KCNAB1: variants seen among roughly 807,000 people sequenced by gnomAD.
The protein encoded by KCNAB1 is potassium voltage-gated channel subfamily A regulatory beta subunit 1, also known as voltage-gated potassium channel subunit beta-1.
A neutral mutation model predicts 64.6 loss-of-function variants in KCNAB1; 35 were observed. The observed-to-expected ratio is 0.54, with a 90% confidence interval of 0.41 to 0.72. The LOEUF is 0.72. Ranked by LOEUF, KCNAB1 falls within the 30% of genes least tolerant of loss-of-function variation. The pLI, the probability that KCNAB1 is intolerant of heterozygous loss-of-function variation, is 0.00. For synonymous variants in KCNAB1, 177 were observed against 183.8 expected, an observed-to-expected ratio of 0.96 and a Z score of 0.30; for missense variants, 401 against 512.9, an observed-to-expected ratio of 0.78 and a Z score of 2.11.
At chr3:156,373,707 A>G (rs1726480087) in intron 1 of KCNAB1, among the ~76,000 whole-genome samples, 1 of 152,174 alleles carries the variant, frequency 6.6e-6, no homozygotes, top group Admixed American at 6.5e-5. Flanking sequence ...TCTCTCTGAG[A>G]CTCTGCATGG....
intron 1 of KCNAB1, among the ~76,000 whole-genome samples, chr3:156,121,574 T>A (rs1347924950): frequency 6.6e-6 from 1 of 152,124 alleles, no homozygotes; most frequent in East Asian, 1.9e-4. Context: ...ACGTACTGAG[T>A]AAAAAGTGTC....
intron 2 of KCNAB1, among the ~76,000 whole-genome samples, chr3:156,451,969 C>G (rs1239368436): frequency 6.6e-6 from 1 of 152,180 alleles, no homozygotes; most frequent in Non-Finnish European, 1.5e-5. Context: ...TCACCTCAGT[C>G]ATAGCATTTG....
rs138595645 is a variant in KCNAB1 at position 156,374,748 on chromosome 3, G to A, written c.276-46868G>A. On this transcript the variant is annotated intron_variant, in intron 1 of 13. Coordinates refer to ENST00000490337, the MANE Select transcript of KCNAB1 (RefSeq NM_172160.3). Reference sequence around the variant, plus strand: ...CCAGCTCTGCCACTTATGGCTGTTCGGCCTTAGTTAAACCTCGCTTTCCTT... The same window carrying A: ...CCAGCTCTGCCACTTATGGCTGTTCAGCCTTAGTTAAACCTCGCTTTCCTT... 6.0e-3 allele frequency among the ~76,000 whole-genome samples: 813 copies of A among 134,734 alleles called. 125 individuals carry two copies. In the South Asian group the frequency reaches 0.11, roughly 19 times the overall value. 88.4% of individuals were successfully genotyped at this position (134,734 alleles called of 152,430 possible). A position where few individuals can be genotyped will look rare whatever the true frequency, so the allele number is the denominator to read the frequency against.
intron 1 of KCNAB1, chr3:156,273,658 G>A (rs765344752): frequency 9.2e-5 from 42 of 455,566 alleles, no homozygotes; most frequent in African/African-American, 5.6e-4. Context: ...CTTTTTCAGC[G>A]ATATGAAGTT....
intron 1 of KCNAB1, among the ~76,000 whole-genome samples, chr3:156,121,748 A>G (rs1454421406): frequency 6.6e-6 from 1 of 152,208 alleles, no homozygotes; most frequent in Non-Finnish European, 1.5e-5. Flanking sequence ...AATGGTTCCA[A>G]TTACGTAGTC....
At chr3:156,321,187 T>G (rs1425693540) in intron 1 of KCNAB1, among the ~76,000 whole-genome samples, 1 of 152,228 alleles carries the variant, frequency 6.6e-6, no homozygotes, top group African/African-American at 2.4e-5. Flanking sequence ...TAAAATGTTC[T>G]TTAGAGCAAA....
intron 8 of KCNAB1, among the ~76,000 whole-genome samples, chr3:156,505,392 G>A (rs996039517): frequency 3.3e-5 from 5 of 152,104 alleles, no homozygotes; most frequent in Admixed American, 6.5e-5. Flanking sequence ...TGGGTCTTTT[G>A]TGGTTCCATG....
rs146312239 is a variant in KCNAB1 at position 156,131,850 on chromosome 3, T to C, written c.275+10964T>C. On this transcript the variant is annotated intron_variant, in intron 1 of 13. Transcript: ENST00000490337. The stretch of plus-strand genomic sequence containing the variant: ...TGAAAATTCTGTCATCTTCATCTTT[T>C]GTTTTCTAAGCTGGGCCATAGCTGA... 2.7e-3 allele frequency among the ~76,000 whole-genome samples: 412 copies of C among 152,328 alleles called. 1 individual carries two copies. Among genetic ancestry groups the C allele is most frequent in the African/African-American group, 9.1e-3 (378 of 41,578 alleles).
chr3:156,463,699 C>T lies in KCNAB1; in HGVS notation c.483-3C>T, dbSNP rs1430538332. On this transcript the variant is annotated splice_polypyrimidine_tract_variant and splice_region_variant and intron_variant, in intron 5 of 13. Transcript: ENST00000490337. The stretch of plus-strand genomic sequence containing the variant: ...TCTCTGTGTTTGTCTTTTTGATATA[C>T]AGGAGGTCCAGTCTGGTCATAACAA... 5 of 1,599,374 alleles carry T rather than the reference C, an allele frequency of 3.1e-6. No homozygotes were observed. Among genetic ancestry groups the T allele is most frequent in the Non-Finnish European group, 4.3e-6 (5 of 1,173,824 alleles).
chr3:156,361,454 A>G (rs116482871), intron 1 of KCNAB1, among the ~76,000 whole-genome samples: 2,018 of 152,120 alleles, frequency 0.013, 16 homozygotes, highest in South Asian at 0.031. Context: ...ACCCCTTGAT[A>G]TGTGTGTGTA....
chr3:156,157,238 G>C (rs888766563), intron 1 of KCNAB1, among the ~76,000 whole-genome samples: 4 of 152,112 alleles, frequency 2.6e-5, no homozygotes, highest in African/African-American at 9.7e-5. Context: ...TATGCATGTA[G>C]GAACATTTTA....
intron 1 of KCNAB1, among the ~76,000 whole-genome samples, chr3:156,194,605 G>A (rs1239168535): frequency 6.6e-6 from 1 of 151,778 alleles, no homozygotes; most frequent in African/African-American, 2.4e-5. Context: ...TGGATCCAAG[G>A]GTTTACAGTT....
At chr3:156,283,504 C>T (rs1380401130) in intron 1 of KCNAB1, among the ~76,000 whole-genome samples, 11 of 149,644 alleles carry the variant, frequency 7.4e-5, no homozygotes, top group South Asian at 4.4e-4. Flanking sequence ...TGAATCTGAA[C>T]GTTGGCCTGC....
intron 1 of KCNAB1, among the ~76,000 whole-genome samples, chr3:156,247,455 C>G (rs1457725142): frequency 6.6e-6 from 1 of 151,986 alleles, no homozygotes; most frequent in Non-Finnish European, 1.5e-5. Context: ...AGAGATTTTT[C>G]TCTTATATTC....
intron 1 of KCNAB1, among the ~76,000 whole-genome samples, chr3:156,202,567 A>G (rs1020325781): frequency 5.9e-5 from 9 of 152,002 alleles, no homozygotes; most frequent in Admixed American, 4.6e-4. Flanking sequence ...ATTTCTTTTC[A>G]GTTCTTTCTT....
intron 2 of KCNAB1, among the ~76,000 whole-genome samples, chr3:156,439,993 T>A (rs183077281): frequency 6.0e-4 from 91 of 152,324 alleles, no homozygotes; most frequent in Non-Finnish European, 1.1e-3. Flanking sequence ...AGCAATGAAT[T>A]AATTAAGAAA....
At chr3:156,505,746 G>A (rs139414275) in intron 8 of KCNAB1, among the ~76,000 whole-genome samples, 1 of 152,320 alleles carries the variant, frequency 6.6e-6, no homozygotes, top group Non-Finnish European at 1.5e-5. Flanking sequence ...CGAAAGCATG[G>A]TGCTGGCATC....
rs576635238 is a variant in KCNAB1, at chr3:156,223,862, G to A, written c.275+102976G>A. 1.1e-4 allele frequency among the ~76,000 whole-genome samples: 17 copies of A among 152,338 alleles called. 1 individual carries two copies. In the South Asian group the frequency reaches 2.9e-3, roughly 26 times the overall value. The stretch of plus-strand genomic sequence containing the variant: ...CAGCTGGCTTCACCCAGTGTATCCC[G>A]CACTGGGGCACAGGTGAAGCTGCCT... On this transcript the variant is annotated intron_variant, in intron 1 of 13. Transcript: ENST00000490337.
intron 1 of KCNAB1, among the ~76,000 whole-genome samples, chr3:156,277,061 T>C (rs551227384): frequency 6.6e-6 from 1 of 152,266 alleles, no homozygotes; most frequent in African/African-American, 2.4e-5. Flanking sequence ...TTCCTTTCAC[T>C]GAGAGGCCAT....
Sources: allele counts gnomAD v4.1 joint callset (sites outside exome capture counted in the v4.1 genomes callset), GRCh38; gene constraint gnomAD v4.1.1; transcripts MANE v1.5; gene names NCBI Gene and HGNC (gene_info 2026-07-23, HGNC 2026-07-21).